Variants in NLRC5 observed in about 807,000 individuals in gnomAD.
NLRC5 encodes protein NLRC5.
In NLRC5, 114 loss-of-function variants were observed where a neutral mutation model predicts 206.9. The observed-to-expected ratio is 0.55, with a 90% CI of 0.47 to 0.64. NLRC5 has a LOEUF of 0.64. Among genes scored for constraint, NLRC5 ranks in the 30% least tolerant of loss-of-function variants. NLRC5 has a pLI of 0.00. For synonymous variants in NLRC5, 952 were observed against 962.8 expected, an observed-to-expected ratio of 0.99 and a Z score of 0.21; for missense variants, 2,008 against 2,305.5, an observed-to-expected ratio of 0.87 and a Z score of 2.64.
At chr16:57,003,244 T>G (rs1042325700) in intron 1 of NLRC5, among the ~76,000 whole-genome samples, 5 of 151,824 alleles carry the variant, frequency 3.3e-5, no homozygotes, top group Non-Finnish European at 4.4e-5. Context: ...GAGACGAGGT[T>G]TCCTCATGTT....
chr16:57,027,612 C>T (rs188284262), intron 6 of NLRC5, among the ~76,000 whole-genome samples: 261 of 150,500 alleles, frequency 1.7e-3, no homozygotes, highest in African/African-American at 5.6e-3. Flanking sequence ...CTCAGCTCCA[C>T]GCAGTCATGC....
At chr16:57,024,026 C>T (rs922739411) in intron 5 of NLRC5, among the ~76,000 whole-genome samples, 173 bp downstream of exon 5, 6 of 152,222 alleles carry the variant, frequency 3.9e-5, no homozygotes, top group Admixed American at 1.3e-4. Flanking sequence ...GAGGAGAGGC[C>T]TGGGCTGGCA....
Position 57,020,709 on chromosome 16 carries a change from C to T in NLRC5, c.-4C>T, listed in dbSNP as rs1163585575. 1 of 1,608,022 alleles carries T rather than the reference C, an allele frequency of 6.2e-7. No homozygotes were observed. Among genetic ancestry groups the T allele is most frequent in the African/African-American group, 1.4e-5 (1 of 72,922 alleles). Reference sequence around the variant, plus strand: ...CTTCCCTGTCCCTCCAGGGCTGGCTCCTCATGGACCCCGTTGGCCTCCAGC... The same window carrying T: ...CTTCCCTGTCCCTCCAGGGCTGGCTTCTCATGGACCCCGTTGGCCTCCAGC... On this transcript the variant is annotated 5_prime_UTR_variant, in exon 3 of 49. Coordinates refer to ENST00000688547, the MANE Select transcript of NLRC5 (RefSeq NM_001384950.1).
Position 57,077,748 on chromosome 16 carries a change from G to T in NLRC5, c.4949G>T (p.Gly1650Val). 6.2e-7 allele frequency: 1 copy of T among 1,603,348 alleles called. No homozygotes were observed. Among genetic ancestry groups the T allele is most frequent in the Non-Finnish European group, 8.5e-7 (1 of 1,173,830 alleles). ...TCAGGGAATAGCATCAGCTCAGCCGGGGGAGTGCAGTTGGCAGAGTCTCTC... is the reference window on the plus strand; with the variant it reads ...TCAGGGAATAGCATCAGCTCAGCCGTGGGAGTGCAGTTGGCAGAGTCTCTC... ...DLSGNSISSA[G>V]GVQLAESLVL... is the part of the protein sequence containing the mutation. The change falls in exon 42 of 49, where the codon GGG becomes GTG. Residue 1650 changes from glycine to valine, a missense_variant. Physicochemically the swap from Gly to Val is moderately radical, Grantham distance 109. Coordinates refer to ENST00000688547, the MANE Select transcript of NLRC5 (RefSeq NM_001384950.1).
rs572221855 is a variant in NLRC5 at position 57,041,295 on chromosome 16, A to G, written c.2940-190A>G. 2.3e-4 allele frequency: 131 copies of G among 568,240 alleles called. 1 individual carries two copies. Among genetic ancestry groups the G allele is most frequent in the Non-Finnish European group, 9.1e-5 (29 of 317,016 alleles). 35.2% of individuals were successfully genotyped at this position (568,240 alleles called of 1,614,324 possible). A position where few individuals can be genotyped will look rare whatever the true frequency, so the allele number is the denominator to read the frequency against. On this transcript the variant is annotated intron_variant, in intron 17 of 48. Coordinates refer to ENST00000688547, the MANE Select transcript of NLRC5 (RefSeq NM_001384950.1). Reference sequence around the variant, plus strand: ...CTGTGTCTCTGCCCACCCTCTGCCTATATGTGACATCCTGTGGGTGTCGTG... The same window carrying G: ...CTGTGTCTCTGCCCACCCTCTGCCTGTATGTGACATCCTGTGGGTGTCGTG...
chr16:57,041,708 C>G (rs989566866), intron 18 of NLRC5, 134 bp downstream of exon 18: 2 of 738,584 alleles, frequency 2.7e-6, no homozygotes, highest in Non-Finnish European at 2.3e-6. Context: ...CTTGGAGAAT[C>G]TGGTGAAAGT....
At position 57,050,106 on chromosome 16, in the gene NLRC5, TA is replaced by T. The variant is rs368833472; in HGVS notation, c.3423-1418del. Reference sequence around the variant, plus strand: ...GTAAAGAGTAAAGATTCCATTGCTTTAAAAAAAAAAAAAAGGAGGGTGTAAT... The same window carrying T: ...GTAAAGAGTAAAGATTCCATTGCTTTAAAAAAAAAAAAAGGAGGGTGTAAT... On this transcript the variant is annotated intron_variant, in intron 23 of 48. Transcript: ENST00000688547. 8.9e-3 allele frequency among the ~76,000 whole-genome samples: 1,289 copies of T among 144,156 alleles called. 24 individuals are homozygous for T. The highest frequency in any genetic ancestry group is 0.027 in the African/African-American group (1,066 of 39,016). The allele number at this position is 144,156 out of a possible 152,430, so 94.6% of individuals were successfully genotyped here.
rs77796033 is a variant in NLRC5 at position 57,075,005 on chromosome 16, C to CTTTTTTTT, written c.4751+357_4751+364dup. On this transcript the variant is annotated intron_variant, in intron 39 of 48. Coordinates refer to ENST00000688547, the MANE Select transcript of NLRC5 (RefSeq NM_001384950.1). ...GGTCTGGAATTCTGCCTAGACTGTG[C>CTTTTTTTT]TTTTTTTTTTTTTTTTTTTTTTTTT... 9.1e-4 allele frequency among the ~76,000 whole-genome samples: 53 copies of CTTTTTTTT among 58,102 alleles called. 23 individuals carry two copies. Among genetic ancestry groups the CTTTTTTTT allele is most frequent in the Non-Finnish European group, 1.3e-3 (41 of 31,638 alleles). 38.1% of individuals were successfully genotyped at this position (58,102 alleles called of 152,430 possible).
chr16:57,010,624 C>T (rs1362104840), intron 1 of NLRC5, among the ~76,000 whole-genome samples: 6 of 152,218 alleles, frequency 3.9e-5, no homozygotes, highest in African/African-American at 9.6e-5. Context: ...CCTCCCACCT[C>T]GGCCTCCCAA....
At chr16:57,003,300 T>C (rs1447175903) in intron 1 of NLRC5, among the ~76,000 whole-genome samples, 1 of 152,108 alleles carries the variant, frequency 6.6e-6, no homozygotes, top group Non-Finnish European at 1.5e-5. Context: ...TCTGCCTGCC[T>C]CAGCCTTCCA....
intron 15 of NLRC5, among the ~76,000 whole-genome samples, chr16:57,038,727 G>T (rs2062907793): frequency 6.6e-6 from 1 of 151,960 alleles, no homozygotes; most frequent in African/African-American, 2.4e-5. Context: ...CTGAGGTCAG[G>T]AGTTCAAGAC....
chr16:57,070,839 T>G (rs2067579570), intron 38 of NLRC5, among the ~76,000 whole-genome samples: 1 of 124,292 alleles, frequency 8.0e-6, no homozygotes. Context: ...TGAGTGGTGA[T>G]GGTGGTTAAT....
At chr16:57,077,684 C>A in intron 41 of NLRC5, 35 bp from the exon 42 acceptor site, 2 of 1,530,402 alleles carry the variant, frequency 1.3e-6, no homozygotes, top group Admixed American at 2.0e-5. Flanking sequence ...GGAGAGGGGG[C>A]ATCAGAGGAC....
chr16:57,028,630 G>A (rs916976464), intron 8 of NLRC5, among the ~76,000 whole-genome samples: 2 of 152,164 alleles, frequency 1.3e-5, no homozygotes, highest in Non-Finnish European at 2.9e-5. Context: ...TGAGTGTTAA[G>A]GCTCCCTCCC....
chr16:57,036,482 G>A (rs981330816), intron 14 of NLRC5, among the ~76,000 whole-genome samples: 5 of 152,108 alleles, frequency 3.3e-5, no homozygotes, highest in Non-Finnish European at 7.4e-5. Context: ...GTGTTGCACT[G>A]GGGAGGTGTC....
intron 1 of NLRC5, among the ~76,000 whole-genome samples, chr16:57,001,463 T>C (rs821466): frequency 0.34 from 50,965 of 152,112 alleles, 8,741 homozygotes; most frequent in South Asian, 0.38. Flanking sequence ...CAGAAGTCTG[T>C]GGCTCCACTC....
Position 57,032,283 on chromosome 16 carries a change from C to A in NLRC5, c.2477+820C>A, listed in dbSNP as rs112936735. ...GGCGTGGTGGTGCACACCTGTAGTC[C>A]CAGCTACTCAAGATGCTGACGTTGG... On this transcript the variant is annotated intron_variant, in intron 11 of 48. Coordinates refer to ENST00000688547, the MANE Select transcript of NLRC5 (RefSeq NM_001384950.1). Among the ~76,000 whole-genome samples the A allele has an allele frequency of 9.9e-3, 1,497 of 151,904 alleles. 30 individuals carry two copies. Among genetic ancestry groups the A allele is most frequent in the African/African-American group, 0.034 (1,426 of 41,432 alleles).
rs2063182885 is a variant in NLRC5 at position 57,040,799 on chromosome 16, C to G, written c.2939+81C>G. On this transcript the variant is annotated intron_variant, in intron 17 of 48. Transcript: ENST00000688547. ...TCAGAGCCTGCTCCCAAACCTGTGC[C>G]CAGGCCCCACATGCTCCCTGAAGGA... 2.9e-6 allele frequency: 4 copies of G among 1,371,528 alleles called. No homozygotes were observed. In the South Asian group the frequency reaches 3.6e-5, roughly 12 times the overall value. The allele number at this position is 1,371,528 out of a possible 1,614,324, so 85.0% of individuals were successfully genotyped here.
Position 57,081,104 on chromosome 16 carries a change from C to T in NLRC5, c.5328C>T (p.Ser1776=). Residue 1776 remains serine, a synonymous_variant, in exon 47 of 49, where the codon TCC becomes TCT. Transcript: ENST00000688547. ...SCPALEVILL[S]WNLLGDEAAA... ...TGGGACCCCTACCCTGCAGGCTGTC[C>T]TGGAATCTCCTCGGGGATGAGGCAG... 1 of 1,548,722 alleles carries T rather than the reference C, an allele frequency of 6.5e-7. No individual in the cohort carries two copies. The highest frequency in any genetic ancestry group is 8.7e-7 in the Non-Finnish European group (1 of 1,147,814).
Sources: allele counts gnomAD v4.1 joint callset (sites outside exome capture counted in the v4.1 genomes callset), GRCh38; gene constraint gnomAD v4.1.1; transcripts MANE v1.5; gene names NCBI Gene and HGNC (gene_info 2026-07-23, HGNC 2026-07-21).